Variants in ARID4B observed in about 807,000 individuals in gnomAD.
ARID4B encodes AT-rich interaction domain 4B, also known as AT-rich interactive domain-containing protein 4B.
A neutral mutation model predicts 147.5 loss-of-function variants in ARID4B; 26 were observed. The ratio of observed to expected loss-of-function variants is 0.18; its 90% confidence interval spans 0.13 to 0.24. The LOEUF (loss-of-function observed/expected upper bound fraction) is 0.24, where lower values mean the gene tolerates loss of function less well. Among genes scored for constraint, ARID4B ranks in the 10% least tolerant of loss-of-function variants. The probability of loss-of-function intolerance (pLI) is 1.00; values close to 1 mark genes in which losing one functional copy is unlikely to be tolerated. For synonymous variants in ARID4B, 512 were observed against 507.9 expected, an observed-to-expected ratio of 1.01 and a Z score of -0.11; for missense variants, 1,179 against 1,511.5, an observed-to-expected ratio of 0.78 and a Z score of 3.65.
chr1:235,217,513 C>T (rs900721181), intron 16 of ARID4B, among the ~76,000 whole-genome samples: 1 of 151,982 alleles, frequency 6.6e-6, no homozygotes, highest in Non-Finnish European at 1.5e-5. Flanking sequence ...TCTTGGGAAA[C>T]GAAATGTATC....
At chr1:235,239,418 A>G (rs532786167) in intron 8 of ARID4B, among the ~76,000 whole-genome samples, 82 of 152,258 alleles carry the variant, frequency 5.4e-4, no homozygotes, top group Non-Finnish European at 1.0e-3. Flanking sequence ...AGTATCATAT[A>G]TAGCTAATTA....
At chr1:235,280,307 TGTACA>T (rs1671585326) in intron 2 of ARID4B, among the ~76,000 whole-genome samples, 1 of 152,360 alleles carries the variant, frequency 6.6e-6, no homozygotes, top group Admixed American at 6.5e-5. Flanking sequence ...GCTTAGTTCT[TGTACA>T]GTAAAGAACA....
Position 235,213,948 on chromosome 1 carries a change from ATCC to A in ARID4B, c.1659_1661del (p.Glu553del), listed in dbSNP as rs1272321635. The A allele has an allele frequency of 1.2e-6, 2 of 1,605,968 alleles. No homozygotes were observed. Among genetic ancestry groups the A allele is most frequent in the African/African-American group, 2.7e-5 (2 of 74,142 alleles). On this transcript the variant is annotated inframe_deletion, in exon 17 of 24. Transcript: ENST00000264183. ...CCTCATTGTTGTCATCATCATCTTC[ATCC>A]TCTTCTTCTTCTTCCTCCTCCTCCT...
intron 7 of ARID4B, among the ~76,000 whole-genome samples, chr1:235,241,214 G>A (rs753566599): frequency 1.3e-5 from 2 of 152,128 alleles, no homozygotes; most frequent in Non-Finnish European, 2.9e-5. Context: ...CAAAGAAAAT[G>A]CCCAGAATGA....
chr1:235,327,189 C>T (rs149765090), intron 1 of ARID4B: 2 of 431,956 alleles, frequency 4.6e-6, no homozygotes, highest in African/African-American at 2.0e-5. Context: ...TCCCCATTGT[C>T]GAGACCCGAC....
chr1:235,174,798 C>G (rs754357381), intron 22 of ARID4B, among the ~76,000 whole-genome samples: 1 of 151,126 alleles, frequency 6.6e-6, no homozygotes, highest in Non-Finnish European at 1.5e-5. Context: ...GCCTGGGCGA[C>G]AGAGAGACTC....
chr1:235,226,347 T>C (rs1004805828), intron 11 of ARID4B, among the ~76,000 whole-genome samples: 5 of 152,042 alleles, frequency 3.3e-5, no homozygotes, highest in African/African-American at 1.2e-4. Flanking sequence ...TAAGGAGCAG[T>C]AGTAATTCTT....
chr1:235,201,395 C>T (rs2102979704), intron 17 of ARID4B, among the ~76,000 whole-genome samples: 1 of 152,046 alleles, frequency 6.6e-6, no homozygotes, highest in South Asian at 2.1e-4. Flanking sequence ...TAGCGCCATC[C>T]TGGCTCACTG....
chr1:235,313,760 G>C (rs888169554), intron 2 of ARID4B, among the ~76,000 whole-genome samples: 1 of 152,136 alleles, frequency 6.6e-6, no homozygotes, highest in African/African-American at 2.4e-5. Context: ...ACTAAGAGAA[G>C]CTTCTGCATC....
chr1:235,219,821 C>G lies in ARID4B; in HGVS notation c.1555G>C (p.Glu519Gln). 6.2e-7 allele frequency: 1 copy of G among 1,600,830 alleles called. No individual in the cohort carries two copies. Among genetic ancestry groups the G allele is most frequent in the Non-Finnish European group, 8.5e-7 (1 of 1,176,970 alleles). The change falls in exon 16 of 24, where the codon GAA (glutamate) becomes CAA (glutamine). Residue 519 changes from glutamate (E) to glutamine (Q), a missense_variant. Transcript: ENST00000264183. ...RVDESLNIKV[E>Q]AEEEKAKSGD... ...GATTTTGCTTTTTCTTCCTCAGCTT[C>G]TACCTTTATGTTGAGGGATTCATCT...
chr1:235,264,950 C>T (rs1670508131), intron 2 of ARID4B, among the ~76,000 whole-genome samples: 1 of 151,250 alleles, frequency 6.6e-6, no homozygotes, highest in Admixed American at 6.6e-5. Flanking sequence ...ATCCCAGCTA[C>T]ACGGGAGGCT....
intron 7 of ARID4B, among the ~76,000 whole-genome samples, chr1:235,241,295 C>CA (rs1668961710): frequency 6.6e-6 from 1 of 152,040 alleles, no homozygotes; most frequent in African/African-American, 2.4e-5. Flanking sequence ...TGAATACCTA[C>CA]AAAGATAAAA....
chr1:235,309,084 G>A (rs1459087474), intron 2 of ARID4B, among the ~76,000 whole-genome samples: 15 of 150,854 alleles, frequency 9.9e-5, no homozygotes, highest in African/African-American at 3.2e-4. Context: ...GTCTCTGCCC[G>A]GCCGCCCATT....
At chr1:235,215,547 A>ATGTGTATG (rs1553293244) in intron 16 of ARID4B, among the ~76,000 whole-genome samples, 2 of 136,498 alleles carry the variant, frequency 1.5e-5, no homozygotes, top group African/African-American at 5.4e-5. Context: ...ACACATATAT[A>ATGTGTATG]TGTGTGTGTG....
chr1:235,188,463 AG>A (rs1467117046), intron 19 of ARID4B, among the ~76,000 whole-genome samples: 9 of 152,204 alleles, frequency 5.9e-5, no homozygotes, highest in Non-Finnish European at 2.9e-5. Flanking sequence ...TTAGATGCCT[AG>A]ATCCCCACCT....
chr1:235,318,462 G>A (rs1674594790), intron 2 of ARID4B, among the ~76,000 whole-genome samples: 1 of 152,004 alleles, frequency 6.6e-6, no homozygotes, highest in Non-Finnish European at 1.5e-5. Flanking sequence ...GTGAGCCATC[G>A]CGCCTGGTCA....
rs538040491 is a variant in ARID4B at position 235,284,528 on chromosome 1, T to A, written c.7-23776A>T. ...CCATAATGTGATTATGACCTAGTAT[T>A]TCAAATAAAAATTGCTGGGCACAGT... On this transcript the variant is annotated intron_variant, in intron 2 of 23. Transcript: ENST00000264183. 1.1e-3 allele frequency among the ~76,000 whole-genome samples: 174 copies of A among 152,120 alleles called. 2 individuals are homozygous for A. The highest frequency in any genetic ancestry group is 3.9e-3 in the African/African-American group (161 of 41,538).
intron 7 of ARID4B, among the ~76,000 whole-genome samples, chr1:235,245,189 CACTA>C (rs1216957304): frequency 1.3e-5 from 2 of 152,148 alleles, no homozygotes; most frequent in Non-Finnish European, 2.9e-5. Flanking sequence ...ACAGGAAAAC[CACTA>C]ACTTAGAATG....
chr1:235,240,887 T>G lies in ARID4B; in HGVS notation c.447-436A>C, dbSNP rs938357498. Among the ~76,000 whole-genome samples the G allele has an allele frequency of 6.6e-5, 10 of 152,268 alleles. No individual in the cohort carries two copies. The East Asian group carries it at 1.9e-3, about 29-fold the overall frequency. On this transcript the variant is annotated intron_variant, in intron 7 of 23. Transcript: ENST00000264183. ...GAGAGCAGACCTTTATTAACTGAGG[T>G]TAGGTTGGGAAGAGGAGGCAATCTG...
Sources: allele counts gnomAD v4.1 joint callset (sites outside exome capture counted in the v4.1 genomes callset), GRCh38; gene constraint gnomAD v4.1.1; transcripts MANE v1.5; gene names NCBI Gene and HGNC (gene_info 2026-07-23, HGNC 2026-07-21).